Variants in EEF2 observed in about 807,000 individuals in gnomAD.
EEF2 encodes the protein elongation factor 2.
Under a neutral mutation model 85.3 loss-of-function variants are expected in EEF2, and 21 were observed. The ratio of observed to expected loss-of-function variants is 0.25; its 90% CI spans 0.17 to 0.35. The LOEUF (loss-of-function observed/expected upper bound fraction) is 0.35, where lower values mean the gene tolerates loss of function less well. Ranked by LOEUF, EEF2 falls within the 10% of genes least tolerant of loss-of-function variation. The probability of loss-of-function intolerance (pLI) is 1.00; values close to 1 mark genes in which losing one functional copy is unlikely to be tolerated. For missense variants in EEF2, 825 were observed against 1,225.3 expected, an observed-to-expected ratio of 0.67 and a Z score of 4.88; for synonymous variants, 723 against 508.8, an observed-to-expected ratio of 1.42 and a Z score of -5.67.
At position 3,980,081 on chromosome 19, in the gene EEF2, A is replaced by G. The variant is rs780019217; in HGVS notation, c.1347-15T>C. On this transcript the variant is annotated splice_polypyrimidine_tract_variant and intron_variant, in intron 9 of 14. Coordinates refer to ENST00000309311, the MANE Select transcript of EEF2 (RefSeq NM_001961.4). Reference sequence around the variant, plus strand: ...TCAAGATTGTTCTGGAAGAAGCAGAAGGCGGCAGCAGGCCGCAGGGATGGT... The same window carrying G: ...TCAAGATTGTTCTGGAAGAAGCAGAGGGCGGCAGCAGGCCGCAGGGATGGT... 1.2e-6 allele frequency: 2 copies of G among 1,607,690 alleles called. No homozygotes were observed. Among genetic ancestry groups the G allele is most frequent in the Non-Finnish European group, 1.7e-6 (2 of 1,176,986 alleles).
At position 3,983,273 on chromosome 19, in the gene EEF2, G is replaced by A. The variant is rs773810065; in HGVS notation, c.237C>T (p.Tyr79=). ...TIKSTAISLF[Y]ELSENDLNFI... ...AGTTCAAGTCATTCTCCGAGAGCTCGTAGAAGAGGGAGATGGCACTGATGG... is the reference window on the plus strand; with the variant it reads ...AGTTCAAGTCATTCTCCGAGAGCTCATAGAAGAGGGAGATGGCACTGATGG... Residue 79 remains tyrosine (Y), a synonymous_variant, in exon 3 of 15, where the codon TAC becomes TAT. Transcript: ENST00000309311. The A allele has an allele frequency of 1.7e-5, 28 of 1,613,470 alleles. No individual in the cohort carries two copies. Among genetic ancestry groups the A allele is most frequent in the South Asian group, 2.2e-5 (2 of 91,030 alleles).
At position 3,982,796 on chromosome 19, in the gene EEF2, G is replaced by A. The variant is rs1290719179; in HGVS notation, c.612+11C>T. On this transcript the variant is annotated intron_variant, in intron 4 of 14. Coordinates refer to ENST00000309311, the MANE Select transcript of EEF2 (RefSeq NM_001961.4). ...GCGGCAAGCCCACCACCCAGCTAGG[G>A]AGGGCCGTACCATGATGTTGCCCAT... 3.1e-6 allele frequency: 5 copies of A among 1,605,994 alleles called. No individual in the cohort carries two copies. The Admixed American group carries it at 8.4e-5, about 27-fold the overall frequency.
Position 3,977,873 on chromosome 19 carries a change from G to A in EEF2, c.2013C>T (p.Tyr671=). 1 of 1,612,382 alleles carries A rather than the reference G, an allele frequency of 6.2e-7. No individual in the cohort carries two copies. Among genetic ancestry groups the A allele is most frequent in the Non-Finnish European group, 8.5e-7 (1 of 1,179,152 alleles). ...CCACACTGTCCTTGATCTCGTTGAG[G>A]TACTGCACACCCTTGGTGATGTCGG... ...ILTDITKGVQ[Y]LNEIKDSVVA... is the part of the protein sequence containing the mutation. Residue 671 remains tyrosine (Y), a synonymous_variant, in exon 12 of 15, where the codon TAC becomes TAT. Transcript: ENST00000309311. This position sits in a 1 kb window ranked among gnomAD's most constrained non-coding sequence, Gnocchi z 5.4.
chr19:3,976,308 TC>T lies in EEF2; in HGVS notation c.*245del. 1 of 232,158 alleles carries T rather than the reference TC, an allele frequency of 4.3e-6. No individual in the cohort carries two copies. Among genetic ancestry groups the T allele is most frequent in the South Asian group, 3.7e-5 (1 of 26,864 alleles). 14.4% of individuals were successfully genotyped at this position (232,158 alleles called of 1,614,324 possible). On this transcript the variant is annotated 3_prime_UTR_variant, in exon 15 of 15. Coordinates refer to ENST00000309311, the MANE Select transcript of EEF2 (RefSeq NM_001961.4). ...TTGGGTGTCCCATCCCGCCTCCCCC[TC>T]CCCGACCGGCCCATTAAGTCCCTAC...
chr19:3,981,255 T>C, intron 7 of EEF2, 84 bp downstream of exon 7: 1 of 1,380,566 alleles, frequency 7.2e-7, no homozygotes, highest in Non-Finnish European at 1.0e-6. Flanking sequence ...GCTGAGGACT[T>C]CAGCCCCCAG....
At chr19:3,979,587 T>C (rs1356943753) in intron 10 of EEF2, 151 bp from the exon 11 acceptor site, 5 of 920,642 alleles carry the variant, frequency 5.4e-6, no homozygotes, top group East Asian at 5.1e-5. Context: ...CCTGAAGAAA[T>C]GTTAAGTCCC....
intron 11 of EEF2, 28 bp from the exon 12 acceptor site, chr19:3,978,200 T>C: frequency 7.0e-7 from 1 of 1,435,686 alleles, no homozygotes; most frequent in Non-Finnish European, 9.2e-7. Flanking sequence ...GTCCCACTCT[T>C]GCCTGGAGAA....
At chr19:3,978,754 G>C (rs1046107180) in intron 11 of EEF2, among the ~76,000 whole-genome samples, 1 of 129,836 alleles carries the variant, frequency 7.7e-6, no homozygotes, top group African/African-American at 2.9e-5. Context: ...AGTGAGCCAA[G>C]ATCACGCCAT....
rs199767773 is a variant in EEF2, at chr19:3,982,198, A to G, written c.791+48T>C. 1.3e-4 allele frequency: 212 copies of G among 1,608,918 alleles called. 1 individual carries two copies. In the African/African-American group the frequency reaches 2.7e-3, roughly 20 times the overall value. The stretch of plus-strand genomic sequence containing the variant: ...CACACCACGCCCCTACGTCGCTGCC[A>G]CTACCCCCAGGTGTCAGGAATCCCC... On this transcript the variant is annotated intron_variant, in intron 5 of 14. Transcript: ENST00000309311.
chr19:3,982,612 T>G lies in EEF2; in HGVS notation c.613-188A>C, dbSNP rs779337593. 7.6e-6 allele frequency: 8 copies of G among 1,046,424 alleles called. No individual in the cohort carries two copies. In the African/African-American group the frequency reaches 9.4e-5, roughly 12 times the overall value. The allele number at this position is 1,046,424 out of a possible 1,614,324, so 64.8% of individuals were successfully genotyped here. A position where few individuals can be genotyped will look rare whatever the true frequency, so the allele number is the denominator to read the frequency against. ...CTCCACCACCCAGGGCAGCGTTCCCTGAGCTCGTCTCTTCCAGCTGCCCAA... is the reference window on the plus strand; with the variant it reads ...CTCCACCACCCAGGGCAGCGTTCCCGGAGCTCGTCTCTTCCAGCTGCCCAA... On this transcript the variant is annotated intron_variant, in intron 4 of 14. Coordinates refer to ENST00000309311, the MANE Select transcript of EEF2 (RefSeq NM_001961.4).
At chr19:3,983,400 G>A (rs1312459775) in intron 2 of EEF2, 109 bp from the exon 3 acceptor site, 6 of 1,252,204 alleles carry the variant, frequency 4.8e-6, no homozygotes, top group Admixed American at 2.4e-5. Context: ...CTCATCCCTG[G>A]AGAGGCTCCC....
chr19:3,981,853 CG>C (rs1463581543), intron 6 of EEF2, 93 bp downstream of exon 6: 8 of 1,153,332 alleles, frequency 6.9e-6, no homozygotes, highest in Non-Finnish European at 1.0e-5. Flanking sequence ...CACAAGGAGA[CG>C]GGCCCAGTCA....
At chr19:3,980,320 C>CTGTG (rs931406740) in intron 9 of EEF2, among the ~76,000 whole-genome samples, 194 bp downstream of exon 9, 18 of 152,370 alleles carry the variant, frequency 1.2e-4, no homozygotes, top group African/African-American at 3.8e-4. Flanking sequence ...CAGGGGTGTG[C>CTGTG]TGTGCCCTGG....
Position 3,976,452 on chromosome 19 carries a change from C to T in EEF2, c.*102G>A, listed in dbSNP as rs2039680783. On this transcript the variant is annotated 3_prime_UTR_variant, in exon 15 of 15. Transcript: ENST00000309311. ...CCCCAGAAACCTCTCAGGGGAGCGT[C>T]GCTGTGTCGGGACAGTCTCCAGGTG... 9 of 1,367,378 alleles carry T rather than the reference C, an allele frequency of 6.6e-6. No individual in the cohort carries two copies. The highest frequency in any genetic ancestry group is 7.0e-6 in the Non-Finnish European group (7 of 1,005,428). 84.7% of individuals were successfully genotyped at this position (1,367,378 alleles called of 1,614,324 possible). A position where few individuals can be genotyped will look rare whatever the true frequency, so the allele number is the denominator to read the frequency against.
rs780405319 is a variant in EEF2, at chr19:3,982,206, CA to C, written c.791+39del. The C allele has an allele frequency of 1.2e-5, 19 of 1,610,132 alleles. No individual in the cohort carries two copies. In the East Asian group the frequency reaches 4.0e-4, roughly 34 times the overall value. ...GCCCCTACGTCGCTGCCACTACCCC[CA>C]GGTGTCAGGAATCCCCCACCATATC... On this transcript the variant is annotated intron_variant, in intron 5 of 14. Transcript: ENST00000309311.
chr19:3,984,602 T>C (rs904675250), intron 1 of EEF2, among the ~76,000 whole-genome samples: 4 of 152,158 alleles, frequency 2.6e-5, no homozygotes, highest in Admixed American at 2.0e-4. Flanking sequence ...TAAAACTGAG[T>C]GTCAACAGAT....
At position 3,985,442 on chromosome 19, in the gene EEF2, G is replaced by T. The variant is rs1039078844; in HGVS notation, c.-62C>A. The T allele has an allele frequency of 7.6e-6, 11 of 1,446,318 alleles. No individual in the cohort carries two copies. In the Admixed American group the frequency reaches 1.7e-4, roughly 23 times the overall value. The allele number at this position is 1,446,318 out of a possible 1,614,324, so 89.6% of individuals were successfully genotyped here. ...GAAAGAAGCGAGTCGCGCCGAGGAT[G>T]GCGGCGACGACGGCGGAAGAGAACG... On this transcript the variant is annotated 5_prime_UTR_variant, in exon 1 of 15. Transcript: ENST00000309311.
chr19:3,980,490 C>A, intron 9 of EEF2, 24 bp downstream of exon 9: 2 of 1,603,642 alleles, frequency 1.2e-6, no homozygotes, highest in Non-Finnish European at 1.7e-6. Context: ...TGCCAAGGGG[C>A]CTGCACATCA....
At position 3,976,540 on chromosome 19, in the gene EEF2, G is replaced by A. The variant is rs1249023900; in HGVS notation, c.*14C>T. 2 of 1,595,462 alleles carry A rather than the reference G, an allele frequency of 1.3e-6. No homozygotes were observed. The highest frequency in any genetic ancestry group is 1.7e-6 in the Non-Finnish European group (2 of 1,171,554). ...GCGAGTCCCCGGGGCGGCAGGCGCT[G>A]CAGGAAGGGCCGCCTACAATTTGTC... On this transcript the variant is annotated 3_prime_UTR_variant, in exon 15 of 15. Coordinates refer to ENST00000309311, the MANE Select transcript of EEF2 (RefSeq NM_001961.4).
Sources: gnomAD v4.1 joint callset for allele counts (sites outside exome capture counted in the v4.1 genomes callset) on GRCh38, gnomAD v4.1.1 for gene constraint, Gnocchi (gnomAD v3.1) non-coding constraint, MANE v1.5 for transcripts, NCBI Gene and HGNC (gene_info 2026-07-23, HGNC 2026-07-21) for gene names.